CFAP299: variants seen among roughly 807,000 people sequenced by gnomAD.
CFAP299 encodes the protein cilia- and flagella-associated protein 299.
In CFAP299, 21 loss-of-function variants were observed where a neutral mutation model predicts 27.0. The observed-to-expected ratio is 0.78, with a 90% CI of 0.55 to 1.12. The LOEUF is 1.12. Ranked by LOEUF, CFAP299 falls within the 50% of genes most tolerant of loss-of-function variation. The pLI is 0.00. For synonymous variants in CFAP299, 104 were observed against 98.1 expected, an observed-to-expected ratio of 1.06 and a Z score of -0.36; for missense variants, 310 against 276.6, an observed-to-expected ratio of 1.12 and a Z score of -0.86.
intron 2 of CFAP299, among the ~76,000 whole-genome samples, chr4:80,517,817 A>C (rs1171869428): frequency 6.6e-6 from 1 of 152,178 alleles, no homozygotes; most frequent in Non-Finnish European, 1.5e-5. Context: ...GGAGAGAGAC[A>C]AGAGAGTTGA....
intron 2 of CFAP299, among the ~76,000 whole-genome samples, chr4:80,474,681 G>A (rs928229691): frequency 6.6e-6 from 1 of 152,138 alleles, no homozygotes; most frequent in Non-Finnish European, 1.5e-5. Flanking sequence ...TTGAAATTCA[G>A]TATTTTATAG....
At chr4:80,798,578 C>T (rs1165306652) in intron 3 of CFAP299, among the ~76,000 whole-genome samples, 1 of 152,088 alleles carries the variant, frequency 6.6e-6, no homozygotes, top group African/African-American at 2.4e-5. Flanking sequence ...ATGATTAGAG[C>T]TTGTGTCTTT....
intron 3 of CFAP299, among the ~76,000 whole-genome samples, chr4:80,713,538 C>T (rs973610867): frequency 2.6e-5 from 4 of 152,220 alleles, no homozygotes; most frequent in Non-Finnish European, 5.9e-5. Flanking sequence ...TCAGTGGCAA[C>T]ATCAGTAGCC....
At chr4:80,854,439 A>G (rs1316059252) in intron 3 of CFAP299, among the ~76,000 whole-genome samples, 2 of 151,986 alleles carry the variant, frequency 1.3e-5, no homozygotes, top group Non-Finnish European at 2.9e-5. Flanking sequence ...ATAGTAATGA[A>G]CTTACACAAG....
At chr4:80,428,623 T>A (rs1171243634) in intron 2 of CFAP299, among the ~76,000 whole-genome samples, 2 of 151,898 alleles carry the variant, frequency 1.3e-5, no homozygotes, top group Non-Finnish European at 2.9e-5. Flanking sequence ...GCCTCCTGGG[T>A]TCAAGTGATT....
chr4:80,610,162 T>C (rs1396708825), intron 3 of CFAP299, among the ~76,000 whole-genome samples: 1 of 151,698 alleles, frequency 6.6e-6, no homozygotes, highest in African/African-American at 2.4e-5. Context: ...CTCTTCTTTC[T>C]GATCACTTTA....
the CFAP299 span, among the ~76,000 whole-genome samples, chr4:80,328,091 T>TA: frequency 6.6e-6 from 1 of 151,986 alleles, no homozygotes; most frequent in African/African-American, 2.4e-5. Context: ...AAAACAATCT[T>TA]AGTCAAGTGG....
At chr4:80,579,789 CACAA>C (rs1736073867) in intron 2 of CFAP299, among the ~76,000 whole-genome samples, 1 of 151,922 alleles carries the variant, frequency 6.6e-6, no homozygotes, top group South Asian at 2.1e-4. Context: ...TTAATCAGTA[CACAA>C]ATATATAGAT....
At chr4:80,475,341 G>A (rs1003168688) in intron 2 of CFAP299, among the ~76,000 whole-genome samples, 2 of 152,188 alleles carry the variant, frequency 1.3e-5, no homozygotes, top group African/African-American at 2.4e-5. Flanking sequence ...GTAGTACCCA[G>A]GCAAGAAATG....
intron 3 of CFAP299, among the ~76,000 whole-genome samples, chr4:80,633,600 G>A (rs183574380): frequency 8.6e-4 from 131 of 152,264 alleles, no homozygotes; most frequent in Non-Finnish European, 1.0e-3. Context: ...GAAAGATGTA[G>A]CATAATTATA....
At chr4:80,334,891 G>A (rs372448693), upstream of CFAP299, among the ~76,000 whole-genome samples, 1 of 152,114 alleles carries the variant, frequency 6.6e-6, no homozygotes, top group African/African-American at 2.4e-5. Context: ...AATTAGAAAC[G>A]TACTTACAGA....
chr4:80,365,303 G>T (rs1451772218), intron 2 of CFAP299, among the ~76,000 whole-genome samples: 1 of 152,086 alleles, frequency 6.6e-6, no homozygotes, highest in Non-Finnish European at 1.5e-5. Flanking sequence ...GGCATGAGAT[G>T]GTATCTCATT....
chr4:80,695,063 A>T (rs967230279), intron 3 of CFAP299, among the ~76,000 whole-genome samples: 1 of 152,184 alleles, frequency 6.6e-6, no homozygotes, highest in African/African-American at 2.4e-5. Context: ...GCATCATTTT[A>T]AAAAATGAAG....
At chr4:80,646,986 AGAGTGTGTGT>A (rs1206112819) in intron 3 of CFAP299, among the ~76,000 whole-genome samples, 29 of 49,188 alleles carry the variant, frequency 5.9e-4, no homozygotes, top group Admixed American at 2.0e-3. Flanking sequence ...AGAGAGAGAG[AGAGTGTGTGT>A]GTGTGTGTGT....
At position 80,715,052 on chromosome 4, in the gene CFAP299, T is replaced by A. The variant is rs186863208; in HGVS notation, c.333+131869T>A. ...GCAAGTTTAGGAGTACCGATAGTCT[T>A]ACTAAAACCTCACAATTTTCCAGGT... On this transcript the variant is annotated intron_variant, in intron 3 of 5. Transcript: ENST00000358105. Among the ~76,000 whole-genome samples the A allele has an allele frequency of 4.6e-3, 696 of 152,220 alleles. 24 individuals are homozygous for A. Among genetic ancestry groups the A allele is most frequent in the Admixed American group, 0.041 (621 of 15,266 alleles).
chr4:80,387,738 G>C, intron 2 of CFAP299: 1 of 1,585,960 alleles, frequency 6.3e-7, no homozygotes, highest in Non-Finnish European at 8.7e-7. Flanking sequence ...TGTGGCTTCA[G>C]ATGTGCTGCT....
At chr4:80,348,903 A>G (rs1488957626) in intron 1 of CFAP299, among the ~76,000 whole-genome samples, 1 of 152,230 alleles carries the variant, frequency 6.6e-6, no homozygotes, top group African/African-American at 2.4e-5. Context: ...GACTACACAC[A>G]CAGACAGACA....
intron 3 of CFAP299, among the ~76,000 whole-genome samples, chr4:80,668,129 A>G (rs1321423962): frequency 6.8e-6 from 1 of 146,278 alleles, no homozygotes; most frequent in African/African-American, 2.5e-5. Flanking sequence ...GGAAATATCT[A>G]TTCAGTTCTT....
chr4:80,664,070 C>T (rs1470808383), intron 3 of CFAP299, among the ~76,000 whole-genome samples: 2 of 152,066 alleles, frequency 1.3e-5, no homozygotes, highest in African/African-American at 2.4e-5. Context: ...AAATTTTTCT[C>T]CCATCTGTAG....
Sources: allele counts gnomAD v4.1 joint callset (sites outside exome capture counted in the v4.1 genomes callset), GRCh38; gene constraint gnomAD v4.1.1; transcripts MANE v1.5; gene names NCBI Gene and HGNC (gene_info 2026-07-23, HGNC 2026-07-21).